The following TNR variants were observed in gnomAD, a reference collection of about 807,000 sequenced individuals.
TNR encodes the protein tenascin-R.
TNR carries 45 observed loss-of-function variants against 150.4 expected under a neutral mutation model. The observed-to-expected ratio is 0.30, with a 90% CI of 0.24 to 0.38. The LOEUF is 0.38. TNR is among the 10% of genes least tolerant of loss of function. The pLI, the probability that TNR is intolerant of heterozygous loss-of-function variation, is 1.00. For synonymous variants in TNR, 687 were observed against 678.4 expected (o/e 1.01, Z -0.20); for missense variants, 1,544 against 1,759.1 (o/e 0.88, Z 2.19).
Position 175,721,804 on chromosome 1 carries a change from G to A in TNR, c.-165+21422C>T, listed in dbSNP as rs188923043. Among the ~76,000 whole-genome samples the A allele has an allele frequency of 1.3e-3, 195 of 152,046 alleles. 1 individual carries two copies. The highest frequency in any genetic ancestry group is 4.5e-3 in the African/African-American group (187 of 41,456). On this transcript the variant is annotated intron_variant, in intron 1 of 22. Transcript: ENST00000367674. Reference sequence around the variant, plus strand: ...AGGGCGACACCTGCTCTCATCCTGCGCATCCACTCTCCCCCAATTCTCAGA... The same window carrying A: ...AGGGCGACACCTGCTCTCATCCTGCACATCCACTCTCCCCCAATTCTCAGA...
Position 175,417,724 on chromosome 1 carries a change from C to G in TNR, c.-63-10947G>C, listed in dbSNP as rs750328057. 9.2e-5 allele frequency among the ~76,000 whole-genome samples: 14 copies of G among 152,100 alleles called. 1 individual carries two copies. The highest frequency in any genetic ancestry group is 2.9e-5 in the Non-Finnish European group (2 of 68,018). ...CACCTTTGAAAATTGTACTCATCCACATCCAGAATACCAGATAAATTTATC... is the reference window on the plus strand; with the variant it reads ...CACCTTTGAAAATTGTACTCATCCAGATCCAGAATACCAGATAAATTTATC... On this transcript the variant is annotated intron_variant, in intron 2 of 22. Coordinates refer to ENST00000367674, the MANE Select transcript of TNR (RefSeq NM_003285.3).
intron 2 of TNR, among the ~76,000 whole-genome samples, chr1:175,435,038 T>C (rs768449156): frequency 1.8e-4 from 27 of 152,226 alleles, no homozygotes; most frequent in Non-Finnish European, 3.2e-4. Context: ...TGTTAGACTG[T>C]GAGCTCCTTA....
chr1:175,324,601 C>G, intron 21 of TNR, 82 bp from the exon 22 acceptor site: 1 of 1,505,190 alleles, frequency 6.6e-7, no homozygotes, highest in South Asian at 1.2e-5. Context: ...CCACTTCCAG[C>G]AAACCTGGCT....
At chr1:175,682,778 T>C (rs1050281619) in intron 1 of TNR, among the ~76,000 whole-genome samples, 2 of 152,104 alleles carry the variant, frequency 1.3e-5, no homozygotes, top group Admixed American at 1.3e-4. Flanking sequence ...CAAATTCTTA[T>C]GGTAATAAGA....
intron 1 of TNR, among the ~76,000 whole-genome samples, chr1:175,704,023 T>C (rs1666774061): frequency 6.6e-6 from 1 of 152,236 alleles, no homozygotes; most frequent in African/African-American, 2.4e-5. Flanking sequence ...TGCATTCCTC[T>C]ATTGTTTATA....
At chr1:175,619,400 T>C (rs1663888809) in intron 1 of TNR, among the ~76,000 whole-genome samples, 1 of 152,128 alleles carries the variant, frequency 6.6e-6, no homozygotes, top group Non-Finnish European at 1.5e-5. Context: ...GGAGGTACAT[T>C]ATGGAACCAT....
intron 2 of TNR, among the ~76,000 whole-genome samples, chr1:175,523,550 T>C (rs1403899837): frequency 1.3e-5 from 2 of 152,208 alleles, no homozygotes. Flanking sequence ...AAAAGTACAA[T>C]ACGTGCTCTG....
chr1:175,415,113 A>C (rs866833709), intron 2 of TNR, among the ~76,000 whole-genome samples: 2 of 148,156 alleles, frequency 1.3e-5, no homozygotes, highest in Non-Finnish European at 3.0e-5. Context: ...AACCAGAACT[A>C]TATCTGTGGA....
chr1:175,432,638 A>G (rs994367548), intron 2 of TNR, among the ~76,000 whole-genome samples: 1 of 148,162 alleles, frequency 6.7e-6, no homozygotes, highest in African/African-American at 2.5e-5. Context: ...CAGTTTTCCC[A>G]TTATTTCAAG....
At chr1:175,517,753 A>T (rs1285570967) in intron 2 of TNR, among the ~76,000 whole-genome samples, 9 of 152,180 alleles carry the variant, frequency 5.9e-5, no homozygotes, top group Admixed American at 5.9e-4. Context: ...TGCACAGATG[A>T]TAAGTTTCTT....
chr1:175,396,071 T>C lies in TNR; in HGVS notation c.1240+473A>G, dbSNP rs935296946. ...AGGAGGAAATTATGCCACCTCTCTA[T>C]CAGGAGAAGGGGATGTTGTCAGCTG... On this transcript the variant is annotated intron_variant, in intron 5 of 22. Transcript: ENST00000367674. Among the ~76,000 whole-genome samples the C allele has an allele frequency of 2.0e-5, 3 of 152,352 alleles. 1 individual carries two copies. In the South Asian group the frequency reaches 6.2e-4, roughly 32 times the overall value.
In TNR at chr1:175,346,928, A is replaced by C. The variant is rs1650818596; in HGVS notation, c.3382+7463T>G. Among the ~76,000 whole-genome samples, 3 of 151,894 alleles carry C rather than the reference A, an allele frequency of 2.0e-5. No homozygotes were observed. The South Asian group carries it at 6.2e-4, about 32-fold the overall frequency. The stretch of plus-strand genomic sequence containing the variant: ...GAAGCAAAAAAGAAAAAAGAGTGAA[A>C]GATGAAGCTGTCTAGCTTTTTTTGT... On this transcript the variant is annotated intron_variant, in intron 18 of 22. Transcript: ENST00000367674.
At chr1:175,418,293 T>TG (rs1654593423) in intron 2 of TNR, among the ~76,000 whole-genome samples, 1 of 152,090 alleles carries the variant, frequency 6.6e-6, no homozygotes, top group African/African-American at 2.4e-5. Context: ...ACCAGAGGTA[T>TG]GGGAACTTCT....
intron 1 of TNR, among the ~76,000 whole-genome samples, chr1:175,629,988 T>G (rs967801633): frequency 3.3e-5 from 5 of 152,160 alleles, no homozygotes; most frequent in African/African-American, 1.2e-4. Context: ...TACTGAGTCC[T>G]GGGGAGGGAC....
At chr1:175,664,770 CT>C (rs768170220) in intron 1 of TNR, among the ~76,000 whole-genome samples, 2 of 152,204 alleles carry the variant, frequency 1.3e-5, no homozygotes, top group Non-Finnish European at 2.9e-5. Flanking sequence ...CAAAATCCAA[CT>C]TGGTAAATGT....
intron 1 of TNR, among the ~76,000 whole-genome samples, chr1:175,735,727 G>A (rs527552458): frequency 5.9e-5 from 9 of 152,264 alleles, no homozygotes; most frequent in East Asian, 5.8e-4. Context: ...AAGGGAAAAT[G>A]TTTCATAAAT....
intron 1 of TNR, among the ~76,000 whole-genome samples, chr1:175,702,345 T>C (rs537464870): frequency 1.3e-5 from 2 of 152,298 alleles, no homozygotes; most frequent in South Asian, 2.1e-4. Context: ...ATGCCACCTC[T>C]GGGTTGTCAC....
rs572326553 is a variant in TNR at position 175,569,416 on chromosome 1, G to A, written c.-164-41047C>T. On this transcript the variant is annotated intron_variant, in intron 1 of 22. Transcript: ENST00000367674. ...ATTCAATCCCCAAATATTTACTAAG[G>A]TCAACTATTGTTCCTAGCTGATGCC... Among the ~76,000 whole-genome samples the A allele has an allele frequency of 3.9e-5, 6 of 152,262 alleles. No homozygotes were observed. In the East Asian group the frequency reaches 7.7e-4, roughly 20 times the overall value.
At chr1:175,740,885 C>T (rs1004187810) in intron 1 of TNR, among the ~76,000 whole-genome samples, 7 of 152,270 alleles carry the variant, frequency 4.6e-5, no homozygotes, top group Admixed American at 1.3e-4. Flanking sequence ...GCAACATGCC[C>T]CAGATAGGGT....
Sources: gnomAD v4.1 joint callset for allele counts (sites outside exome capture counted in the v4.1 genomes callset) on GRCh38, gnomAD v4.1.1 for gene constraint, MANE v1.5 for transcripts, NCBI Gene and HGNC (gene_info 2026-07-23, HGNC 2026-07-21) for gene names.